Variants in MXI1 observed in about 807,000 individuals in gnomAD.
MXI1 encodes the protein max-interacting protein 1.
A neutral mutation model predicts 36.9 loss-of-function variants in MXI1; 18 were observed. That is an observed-to-expected ratio of 0.49 (90% CI 0.34 to 0.72). MXI1 has a LOEUF of 0.72. Ranked by LOEUF, MXI1 falls within the 30% of genes least tolerant of loss-of-function variation. The pLI is 0.01. For missense variants in MXI1, 304 were observed against 379.1 expected (o/e 0.80, Z 1.64); for synonymous variants, 160 against 146.7 (o/e 1.09, Z -0.65).
intron 1 of MXI1, among the ~76,000 whole-genome samples, chr10:110,225,746 T>C (rs1854938243): frequency 6.6e-6 from 1 of 151,950 alleles, no homozygotes; most frequent in Admixed American, 6.5e-5. Flanking sequence ...AATTCTTCCC[T>C]CCCAGAAGCA....
intron 3 of MXI1, among the ~76,000 whole-genome samples, chr10:110,275,011 A>C (rs1856980534): frequency 6.7e-6 from 1 of 150,090 alleles, no homozygotes; most frequent in Non-Finnish European, 1.5e-5. Context: ...AGTAGCTGGG[A>C]TTACAGGCAC....
rs190300716 is a variant in MXI1 at position 110,286,759 on chromosome 10, C to T, written c.*1772C>T. 1 of 152,308 alleles carries T rather than the reference C, an allele frequency of 6.6e-6. No homozygotes were observed. The highest frequency in any genetic ancestry group is 1.9e-4 in the East Asian group (1 of 5,186). The allele number at this position is 152,308 out of a possible 1,614,324, so 9.4% of individuals were successfully genotyped here. The stretch of plus-strand genomic sequence containing the variant: ...CGCCTCAACATATACTTGTGCTCTT[C>T]CTTTGCCTCCAGAAGAAGTTTTTCC... On this transcript the variant is annotated 3_prime_UTR_variant, in exon 6 of 6. Coordinates refer to ENST00000332674, the MANE Select transcript of MXI1 (RefSeq NM_130439.3).
At chr10:110,259,575 T>G (rs1214917314) in intron 3 of MXI1, among the ~76,000 whole-genome samples, 1 of 152,112 alleles carries the variant, frequency 6.6e-6, no homozygotes, top group Non-Finnish European at 1.5e-5. Flanking sequence ...TCTATTCTGG[T>G]ACAAATTTTG....
intron 1 of MXI1, among the ~76,000 whole-genome samples, chr10:110,218,375 G>A (rs1189832743): frequency 1.3e-5 from 2 of 151,080 alleles, no homozygotes; most frequent in Non-Finnish European, 3.0e-5. Context: ...GCGTGAACCC[G>A]GGAGGCGGTG....
At chr10:110,233,967 G>A (rs1445206573) in intron 2 of MXI1, among the ~76,000 whole-genome samples, 1 of 152,122 alleles carries the variant, frequency 6.6e-6, no homozygotes, top group African/African-American at 2.4e-5. Context: ...TGATGTAGAA[G>A]ATCACAAAAT....
rs1227936158 is a variant in MXI1, at chr10:110,284,830, T to C, written c.731T>C (p.Ile244Thr). The change falls in exon 6 of 6, where the codon ATT becomes ACT. Residue 244 changes from isoleucine to threonine, a missense_variant. Coordinates refer to ENST00000332674, the MANE Select transcript of MXI1 (RefSeq NM_130439.3). ...SDRSDSEREEIEVDVESTEFS... is the reference protein window; with the variant it reads ...SDRSDSEREETEVDVESTEFS... Reference sequence around the variant, plus strand: ...TTTTTTTTTCCTTTGGCAGAGGAGATTGAAGTGGATGTTGAAAGCACAGAG... The same window carrying C: ...TTTTTTTTTCCTTTGGCAGAGGAGACTGAAGTGGATGTTGAAAGCACAGAG... 2 of 1,601,872 alleles carry C rather than the reference T, an allele frequency of 1.2e-6. No homozygotes were observed. Among genetic ancestry groups the C allele is most frequent in the East Asian group, 4.5e-5 (2 of 44,582 alleles).
chr10:110,268,782 A>G (rs1006218105), intron 3 of MXI1, among the ~76,000 whole-genome samples: 3 of 152,196 alleles, frequency 2.0e-5, no homozygotes, highest in Admixed American at 1.3e-4. Flanking sequence ...GTGATACAGT[A>G]TAATGAAAGA....
At chr10:110,210,843 C>A (rs1854494220) in intron 1 of MXI1, among the ~76,000 whole-genome samples, 1 of 152,204 alleles carries the variant, frequency 6.6e-6, no homozygotes, top group South Asian at 2.1e-4. Context: ...GTCGTGCGTG[C>A]GCCCGGCTCG....
intron 3 of MXI1, among the ~76,000 whole-genome samples, chr10:110,259,450 A>G (rs772259214): frequency 2.0e-5 from 3 of 152,094 alleles, no homozygotes; most frequent in Non-Finnish European, 4.4e-5. Context: ...CTTTTGCTGC[A>G]TATTGTAAAG....
At chr10:110,245,341 A>AAT (rs1304904861) in intron 3 of MXI1, among the ~76,000 whole-genome samples, 1 of 152,162 alleles carries the variant, frequency 6.6e-6, no homozygotes, top group African/African-American at 2.4e-5. Context: ...GAAATACAAG[A>AAT]ATATATATGA....
intron 2 of MXI1, among the ~76,000 whole-genome samples, chr10:110,240,726 G>T (rs969607565): frequency 3.9e-5 from 6 of 152,050 alleles, no homozygotes; most frequent in Non-Finnish European, 2.9e-5. Flanking sequence ...TGTAAGAATT[G>T]TAAGCTTTAG....
At chr10:110,237,339 C>T (rs1331861669) in intron 2 of MXI1, among the ~76,000 whole-genome samples, 5 of 151,976 alleles carry the variant, frequency 3.3e-5, no homozygotes, top group African/African-American at 9.7e-5. Context: ...TTCTTAGATG[C>T]CTTTTAGGTT....
At chr10:110,212,087 T>A (rs1477828046) in intron 1 of MXI1, among the ~76,000 whole-genome samples, 1 of 152,094 alleles carries the variant, frequency 6.6e-6, no homozygotes, top group Non-Finnish European at 1.5e-5. Flanking sequence ...TGAGAGCAGG[T>A]AAGGTCTGGA....
At chr10:110,225,923 G>A (rs1854948626) in intron 1 of MXI1, 5 of 782,744 alleles carry the variant, frequency 6.4e-6, no homozygotes, top group African/African-American at 1.9e-5. Flanking sequence ...TTTCCCAGGG[G>A]GCAGAGGCAG....
At chr10:110,228,475 C>T (rs945314700) in intron 2 of MXI1, among the ~76,000 whole-genome samples, 154 bp downstream of exon 2, 5 of 152,092 alleles carry the variant, frequency 3.3e-5, no homozygotes, top group Admixed American at 6.6e-5. Flanking sequence ...GAAATCATAA[C>T]CTGGTTTTGC....
chr10:110,209,260 G>T (rs754650417), intron 1 of MXI1, among the ~76,000 whole-genome samples: 1 of 152,122 alleles, frequency 6.6e-6, no homozygotes, highest in Non-Finnish European at 1.5e-5. Context: ...GGGGGAAACC[G>T]GGATGTTTAA....
At chr10:110,273,983 T>A (rs888164862) in intron 3 of MXI1, among the ~76,000 whole-genome samples, 1 of 152,226 alleles carries the variant, frequency 6.6e-6, no homozygotes, top group East Asian at 1.9e-4. Context: ...GAAAGGGTAT[T>A]CTTTCCTCTC....
chr10:110,218,894 A>G lies in MXI1; in HGVS notation c.275-9295A>G, dbSNP rs2134334409. 2.6e-5 allele frequency among the ~76,000 whole-genome samples: 4 copies of G among 152,360 alleles called. No individual in the cohort carries two copies. In the Middle Eastern group the frequency reaches 0.014, roughly 518 times the overall value. Reference sequence around the variant, plus strand: ...AGTGTGAGCTGCAGAGATGAGCATTAGGTCCTCGCTGCCACCGTGACAGTG... The same window carrying G: ...AGTGTGAGCTGCAGAGATGAGCATTGGGTCCTCGCTGCCACCGTGACAGTG... On this transcript the variant is annotated intron_variant, in intron 1 of 5. Transcript: ENST00000332674.
rs1857435836 is a variant in MXI1 at position 110,286,860 on chromosome 10, C to T, written c.*1873C>T. 6.6e-6 allele frequency: 1 copy of T among 152,196 alleles called. No homozygotes were observed. The highest frequency in any genetic ancestry group is 2.1e-4 in the South Asian group (1 of 4,828). 9.4% of individuals were successfully genotyped at this position (152,196 alleles called of 1,614,324 possible). ...GAAAAACTGCATGCCTTTAGAAGCC[C>T]AGTATCAGAACTTGCTACGTTTCAG... On this transcript the variant is annotated 3_prime_UTR_variant, in exon 6 of 6. Coordinates refer to ENST00000332674, the MANE Select transcript of MXI1 (RefSeq NM_130439.3).
Sources: allele counts gnomAD v4.1 joint callset (sites outside exome capture counted in the v4.1 genomes callset), GRCh38; gene constraint gnomAD v4.1.1; transcripts MANE v1.5; gene names NCBI Gene and HGNC (gene_info 2026-07-23, HGNC 2026-07-21).